Variants in NCOA1 observed in about 807,000 individuals in gnomAD.
NCOA1 encodes the protein nuclear receptor coactivator 1, also known as Hin-2 protein.
In NCOA1, 35 loss-of-function variants were observed where a neutral mutation model predicts 150.9. The observed-to-expected ratio is 0.23, with a 90% CI of 0.18 to 0.31. The LOEUF (loss-of-function observed/expected upper bound fraction) is 0.31, where lower values mean the gene tolerates loss of function less well. NCOA1 is among the 10% of genes least tolerant of loss of function. NCOA1 has a pLI of 1.00. For synonymous variants in NCOA1, 590 were observed against 630.0 expected, an observed-to-expected ratio of 0.94 and a Z score of 0.95; for missense variants, 1,491 against 1,749.3, an observed-to-expected ratio of 0.85 and a Z score of 2.63.
intron 3 of NCOA1, among the ~76,000 whole-genome samples, chr2:24,639,916 GTATATATATATATA>G (rs67632791): frequency 0.022 from 658 of 29,720 alleles, 34 homozygotes; most frequent in African/African-American, 0.025. Context: ...ATGTGTGTGT[GTATATATATATATA>G]TATATATATA....
At chr2:24,521,142 T>G (rs920104102) in intron 1 of NCOA1, among the ~76,000 whole-genome samples, 1 of 152,178 alleles carries the variant, frequency 6.6e-6, no homozygotes, top group African/African-American at 2.4e-5. Flanking sequence ...AATTGATGAA[T>G]AAAAATGTTA....
At chr2:24,508,220 A>AT (rs1382746547) in intron 1 of NCOA1, among the ~76,000 whole-genome samples, 1 of 151,760 alleles carries the variant, frequency 6.6e-6, no homozygotes, top group African/African-American at 2.4e-5. Flanking sequence ...TTTTATTCTC[A>AT]TTTTTTTCTT....
At chr2:24,610,334 G>A (rs761899763) in intron 3 of NCOA1, among the ~76,000 whole-genome samples, 3 of 151,328 alleles carry the variant, frequency 2.0e-5, no homozygotes, top group East Asian at 1.9e-4. Flanking sequence ...GTAGAGACAG[G>A]GTTTTACCGT....
chr2:24,665,665 TA>T, intron 5 of NCOA1, 83 bp from the exon 6 acceptor site: 2 of 1,069,558 alleles, frequency 1.9e-6, no homozygotes, highest in South Asian at 3.5e-5. Flanking sequence ...AAGATCTCAC[TA>T]AATGTGTAAG....
intron 3 of NCOA1, among the ~76,000 whole-genome samples, chr2:24,596,368 T>TA (rs766664850): frequency 6.6e-6 from 1 of 152,176 alleles, no homozygotes; most frequent in Non-Finnish European, 1.5e-5. Flanking sequence ...ACCTGAAGAA[T>TA]AAAATGCCAT....
At chr2:24,760,288 C>T (rs1287965732) in intron 21 of NCOA1, among the ~76,000 whole-genome samples, 2 of 150,170 alleles carry the variant, frequency 1.3e-5, no homozygotes, top group South Asian at 2.1e-4. Flanking sequence ...TACAGGCACC[C>T]GCCACCATGC....
chr2:24,765,378 A>G (rs1414213145), intron 22 of NCOA1, among the ~76,000 whole-genome samples: 1 of 152,024 alleles, frequency 6.6e-6, no homozygotes, highest in Non-Finnish European at 1.5e-5. Flanking sequence ...GGGCGCCTGT[A>G]GTCTCAGCTA....
intron 3 of NCOA1, among the ~76,000 whole-genome samples, chr2:24,620,206 A>G (rs1669061959): frequency 6.6e-6 from 1 of 152,144 alleles, no homozygotes; most frequent in Admixed American, 6.5e-5. Flanking sequence ...GCAATAATAA[A>G]CTGGCAATAA....
At position 24,653,217 on chromosome 2, in the gene NCOA1, G is replaced by T. The variant is rs573473500; in HGVS notation, c.-17-5444G>T. ...TTTATTACTCAAAATTATTCAATCT[G>T]TGAGATTGTATTATTCAGATCATGT... On this transcript the variant is annotated intron_variant, in intron 4 of 22. Coordinates refer to ENST00000348332, the MANE Select transcript of NCOA1 (RefSeq NM_003743.5). 3.3e-5 allele frequency among the ~76,000 whole-genome samples: 5 copies of T among 152,292 alleles called. No individual in the cohort carries two copies. In the South Asian group the frequency reaches 1.0e-3, roughly 32 times the overall value.
chr2:24,588,791 TG>T (rs1667522882), intron 3 of NCOA1, among the ~76,000 whole-genome samples: 1 of 152,202 alleles, frequency 6.6e-6, no homozygotes, highest in African/African-American at 2.4e-5. Flanking sequence ...AAGGTGATAT[TG>T]GTTTCTAATG....
At chr2:24,647,692 A>G (rs545425211) in intron 4 of NCOA1, among the ~76,000 whole-genome samples, 1 of 152,304 alleles carries the variant, frequency 6.6e-6, no homozygotes, top group East Asian at 1.9e-4. Flanking sequence ...TATCCTTTAG[A>G]TGCATATTAA....
chr2:24,711,810 A>G (rs17046488), intron 14 of NCOA1, among the ~76,000 whole-genome samples: 6,561 of 152,236 alleles, frequency 0.043, 233 homozygotes, highest in East Asian at 0.19. Context: ...TTTTTTGCCC[A>G]TCACATTTTG....
chr2:24,697,695 T>C lies in NCOA1; in HGVS notation c.846T>C (p.Ala282=). 1 of 1,613,228 alleles carries C rather than the reference T, an allele frequency of 6.2e-7. No homozygotes were observed. Among genetic ancestry groups the C allele is most frequent in the Non-Finnish European group, 8.5e-7 (1 of 1,179,188 alleles). ...CTATTGATACTAGTTCCCTGAGAGCTGCTGGCAGAACTGGTTGGGAAGATT... is the reference window on the plus strand; with the variant it reads ...CTATTGATACTAGTTCCCTGAGAGCCGCTGGCAGAACTGGTTGGGAAGATT... ...IISIDTSSLR[A]AGRTGWEDLV... The change falls in exon 11 of 23, where the codon GCT becomes GCC. Residue 282 remains alanine, a synonymous_variant. Transcript: ENST00000348332.
At chr2:24,606,664 A>T (rs1414604752) in intron 3 of NCOA1, among the ~76,000 whole-genome samples, 5 of 152,106 alleles carry the variant, frequency 3.3e-5, no homozygotes, top group Non-Finnish European at 5.9e-5. Context: ...CCATATTTTC[A>T]GTCTTAGTTT....
chr2:24,547,879 C>T lies in NCOA1; in HGVS notation c.-395-16416C>T, dbSNP rs1246219684. The stretch of plus-strand genomic sequence containing the variant: ...TGGCGGGCACCCGTAGTCTCAGCTA[C>T]TCGGGAGACTGAGGCAGGAGAATGG... On this transcript the variant is annotated intron_variant, in intron 1 of 22. Coordinates refer to ENST00000348332, the MANE Select transcript of NCOA1 (RefSeq NM_003743.5). Among the ~76,000 whole-genome samples, 3 of 150,236 alleles carry T rather than the reference C, an allele frequency of 2.0e-5. No individual in the cohort carries two copies. The East Asian group carries it at 5.9e-4, about 30-fold the overall frequency.
At chr2:24,670,593 G>A (rs1005927953) in intron 6 of NCOA1, among the ~76,000 whole-genome samples, 3 of 152,176 alleles carry the variant, frequency 2.0e-5, no homozygotes, top group Non-Finnish European at 4.4e-5. Flanking sequence ...CATATTGTAT[G>A]ATTCCATTTA....
At chr2:24,608,296 A>T (rs1572484051) in intron 3 of NCOA1, among the ~76,000 whole-genome samples, 1 of 125,900 alleles carries the variant, frequency 7.9e-6, no homozygotes, top group African/African-American at 2.9e-5. Context: ...TATTATTATT[A>T]TTTTGAGACA....
At chr2:24,750,115 AAAG>A (rs1299705421) in intron 19 of NCOA1, among the ~76,000 whole-genome samples, 4 of 152,202 alleles carry the variant, frequency 2.6e-5, no homozygotes, top group Non-Finnish European at 5.9e-5. Context: ...TAGTGAACTT[AAAG>A]ATATAACAAT....
At position 24,762,684 on chromosome 2, in the gene NCOA1, T is replaced by C. The variant is rs1193691702; in HGVS notation, c.4066-3T>C. ...AATTTGATCTTGTATTTATCTTTAA[T>C]AGATAAATGATCCCGCACTGAGACA... On this transcript the variant is annotated splice_polypyrimidine_tract_variant and splice_region_variant and intron_variant, in intron 21 of 22. Coordinates refer to ENST00000348332, the MANE Select transcript of NCOA1 (RefSeq NM_003743.5). 1.2e-6 allele frequency: 2 copies of C among 1,609,198 alleles called. No individual in the cohort carries two copies. The highest frequency in any genetic ancestry group is 1.7e-6 in the Non-Finnish European group (2 of 1,175,794).
Sources: gnomAD v4.1 joint callset for allele counts (sites outside exome capture counted in the v4.1 genomes callset) on GRCh38, gnomAD v4.1.1 for gene constraint, MANE v1.5 for transcripts, NCBI Gene and HGNC (gene_info 2026-07-23, HGNC 2026-07-21) for gene names.